PPP2R2A: variants seen among roughly 807,000 people sequenced by gnomAD.
PPP2R2A encodes the protein protein phosphatase 2 regulatory subunit Balpha.
In PPP2R2A, 9 loss-of-function variants were observed where a neutral mutation model predicts 53.2. That is an observed-to-expected ratio of 0.17 (90% CI 0.10 to 0.30). The LOEUF is 0.30. Among genes scored for constraint, PPP2R2A ranks in the 10% least tolerant of loss-of-function variants. PPP2R2A has a pLI of 1.00. For synonymous variants in PPP2R2A, 169 were observed against 174.2 expected (o/e 0.97, Z 0.23); for missense variants, 235 against 534.6 (o/e 0.44, Z 5.53).
rs947304727 is a variant in PPP2R2A at position 26,362,079 on chromosome 8, GATT to G, written c.638-603_638-601del. On this transcript the variant is annotated intron_variant, in intron 6 of 9. Coordinates refer to ENST00000380737, the MANE Select transcript of PPP2R2A (RefSeq NM_002717.4). This position sits in a 1 kb window ranked among gnomAD's most constrained non-coding sequence, Gnocchi z 4.4. Reference sequence around the variant, plus strand: ...AAGATTAATTTTAAGATTAGAAAAAGATTAATAATTAGATTAGATTAGAAAAAG... The same window carrying G: ...AAGATTAATTTTAAGATTAGAAAAAGAATAATTAGATTAGATTAGAAAAAG... Among the ~76,000 whole-genome samples the G allele has an allele frequency of 1.5e-4, 22 of 150,394 alleles. No individual in the cohort carries two copies. The highest frequency in any genetic ancestry group is 3.9e-4 in the African/African-American group (16 of 41,170).
rs1007006769 is a variant in PPP2R2A at position 26,354,420 on chromosome 8, T to C, written c.181-48T>C. ...GGAATTGATTACATATTTGATTATT[T>C]TGAAATATTTTTCAACAATGGTCCA... On this transcript the variant is annotated intron_variant, in intron 3 of 9. Transcript: ENST00000380737. This position sits in a 1 kb window ranked among gnomAD's most constrained non-coding sequence, Gnocchi z 4.6. The C allele has an allele frequency of 7.2e-7, 1 of 1,395,650 alleles. No homozygotes were observed. Among genetic ancestry groups the C allele is most frequent in the African/African-American group, 1.5e-5 (1 of 68,954 alleles). 86.5% of individuals were successfully genotyped at this position (1,395,650 alleles called of 1,614,324 possible).
Position 26,305,630 on chromosome 8 carries a change from C to A in PPP2R2A, c.82+11890C>A, listed in dbSNP as rs183693972. 4.6e-5 allele frequency among the ~76,000 whole-genome samples: 7 copies of A among 152,232 alleles called. No homozygotes were observed. The East Asian group carries it at 1.3e-3, about 29-fold the overall frequency. On this transcript the variant is annotated intron_variant, in intron 2 of 9. Coordinates refer to ENST00000380737, the MANE Select transcript of PPP2R2A (RefSeq NM_002717.4). ...AAGGAGATAGAAGACATTATTCCTT[C>A]ATTTTAGGTACATGGAGGTCCATTT...
intron 2 of PPP2R2A, among the ~76,000 whole-genome samples, chr8:26,320,102 T>C (rs1802762662): frequency 6.6e-6 from 1 of 152,208 alleles, no homozygotes; most frequent in South Asian, 2.1e-4. Flanking sequence ...CCTGGAAATC[T>C]GGTGAGATCA....
chr8:26,346,546 A>G (rs1422253005), intron 3 of PPP2R2A, among the ~76,000 whole-genome samples: 2 of 152,168 alleles, frequency 1.3e-5, no homozygotes, highest in Non-Finnish European at 2.9e-5. Flanking sequence ...TAGCTTTTCA[A>G]AGTCTTATTC....
chr8:26,352,015 A>G (rs965170630), intron 3 of PPP2R2A, among the ~76,000 whole-genome samples: 2 of 152,216 alleles, frequency 1.3e-5, no homozygotes, highest in Admixed American at 6.5e-5. Context: ...AATAAAGCAC[A>G]TCTAAACTTA....
At chr8:26,317,750 G>A (rs555482878) in intron 2 of PPP2R2A, among the ~76,000 whole-genome samples, 1 of 152,164 alleles carries the variant, frequency 6.6e-6, no homozygotes, top group Non-Finnish European at 1.5e-5. Flanking sequence ...ATACACAGTG[G>A]TTCAAAAAAT....
At chr8:26,368,141 T>A (rs1452558578) in intron 9 of PPP2R2A, among the ~76,000 whole-genome samples, 1 of 152,228 alleles carries the variant, frequency 6.6e-6, no homozygotes, top group East Asian at 1.9e-4. Context: ...GATATGGGGA[T>A]GTCAATCTAA....
In PPP2R2A at chr8:26,362,554, A is replaced by G; in HGVS notation, c.638-130A>G. The G allele has an allele frequency of 1.2e-6, 1 of 837,832 alleles. No individual in the cohort carries two copies. The allele number at this position is 837,832 out of a possible 1,614,324, so 51.9% of individuals were successfully genotyped here. On this transcript the variant is annotated intron_variant, in intron 6 of 9. Transcript: ENST00000380737. The surrounding 1 kb of genome is among the most constrained non-coding windows in gnomAD (Gnocchi z 4.4). Reference sequence around the variant, plus strand: ...TAATCCCTTTGGAATTTATACTCATAAAAACAGTGGAGTGCAATTCAGAAT... The same window carrying G: ...TAATCCCTTTGGAATTTATACTCATGAAAACAGTGGAGTGCAATTCAGAAT...
At chr8:26,363,600 T>C (rs1259140977) in intron 7 of PPP2R2A, 121 bp from the exon 8 acceptor site, 6 of 855,258 alleles carry the variant, frequency 7.0e-6, no homozygotes, top group African/African-American at 6.8e-5. Flanking sequence ...TTCAGTTCTT[T>C]ATTAGCCTGG....
intron 2 of PPP2R2A, among the ~76,000 whole-genome samples, chr8:26,305,226 A>G (rs777235632): frequency 5.3e-5 from 8 of 152,152 alleles, no homozygotes; most frequent in Non-Finnish European, 1.2e-4. Context: ...CTGTTGTAGT[A>G]TGTGACAGGA....
In PPP2R2A at chr8:26,371,522, CT is replaced by C. The variant is rs1369374043; in HGVS notation, c.*1111del. On this transcript the variant is annotated 3_prime_UTR_variant, in exon 10 of 10. Coordinates refer to ENST00000380737, the MANE Select transcript of PPP2R2A (RefSeq NM_002717.4). ...TTTTGCCTTACTAAATAGTCAAAGA[CT>C]TATAAAACATTTTTAACAAGTTAGA... The C allele has an allele frequency of 6.6e-6, 1 of 151,996 alleles. No homozygotes were observed. Among genetic ancestry groups the C allele is most frequent in the Non-Finnish European group, 1.5e-5 (1 of 67,980 alleles). 9.4% of individuals were successfully genotyped at this position (151,996 alleles called of 1,614,324 possible).
chr8:26,355,841 G>A (rs1301682986), intron 4 of PPP2R2A, among the ~76,000 whole-genome samples: 1 of 147,898 alleles, frequency 6.8e-6, no homozygotes, highest in African/African-American at 2.5e-5. Context: ...TTGCACTCCA[G>A]CCTGGGCAAC....
intron 2 of PPP2R2A, among the ~76,000 whole-genome samples, chr8:26,301,382 G>A (rs1801778050): frequency 6.7e-6 from 1 of 149,420 alleles, no homozygotes; most frequent in Non-Finnish European, 1.5e-5. Context: ...ATCCTGGCTG[G>A]AGTGCAATGG....
intron 3 of PPP2R2A, among the ~76,000 whole-genome samples, chr8:26,343,881 A>G (rs1804075882): frequency 6.6e-6 from 1 of 152,174 alleles, no homozygotes; most frequent in Non-Finnish European, 1.5e-5. Context: ...GAAATGCTGA[A>G]ATTTAGCTGG....
intron 6 of PPP2R2A, among the ~76,000 whole-genome samples, 181 bp downstream of exon 6, chr8:26,361,332 A>G (rs956129704): frequency 2.0e-5 from 3 of 152,242 alleles, no homozygotes; most frequent in African/African-American, 7.2e-5. Flanking sequence ...TTTGCTAAAC[A>G]TAAAGGGCAT....
chr8:26,294,088 G>T (rs2046224), intron 2 of PPP2R2A, among the ~76,000 whole-genome samples: 89,340 of 151,988 alleles, frequency 0.59, 26,523 homozygotes, highest in South Asian at 0.63. Flanking sequence ...TTGTACATTG[G>T]TTTTAGATAA....
At chr8:26,326,369 T>C (rs186685649) in intron 2 of PPP2R2A, among the ~76,000 whole-genome samples, 20 of 152,344 alleles carry the variant, frequency 1.3e-4, no homozygotes, top group Non-Finnish European at 2.5e-4. Context: ...TGGACTTCTT[T>C]TTGTCATTGG....
rs1003245254 is a variant in PPP2R2A, at chr8:26,338,015, C to T, written c.83-875C>T. ...TTCTTAACAGTGAGCTTCTGTAGACCAGAGGATGTCTGTTCTTTTATAAAG... is the reference window on the plus strand; with the variant it reads ...TTCTTAACAGTGAGCTTCTGTAGACTAGAGGATGTCTGTTCTTTTATAAAG... On this transcript the variant is annotated intron_variant, in intron 2 of 9. Coordinates refer to ENST00000380737, the MANE Select transcript of PPP2R2A (RefSeq NM_002717.4). The surrounding 1 kb of genome is among the most constrained non-coding windows in gnomAD (Gnocchi z 4.5). Among the ~76,000 whole-genome samples, 6 of 152,020 alleles carry T rather than the reference C, an allele frequency of 3.9e-5. No homozygotes were observed. The highest frequency in any genetic ancestry group is 5.9e-5 in the Non-Finnish European group (4 of 68,000).
chr8:26,366,292 G>A (rs758804547), intron 8 of PPP2R2A, 23 bp from the exon 9 acceptor site: 2 of 1,562,892 alleles, frequency 1.3e-6, no homozygotes, highest in South Asian at 2.3e-5. Flanking sequence ...TTTCAGTGCA[G>A]TATATTTGTA....
Sources: gnomAD v4.1 joint callset for allele counts (sites outside exome capture counted in the v4.1 genomes callset) on GRCh38, gnomAD v4.1.1 for gene constraint, Gnocchi (gnomAD v3.1) non-coding constraint, MANE v1.5 for transcripts, NCBI Gene and HGNC (gene_info 2026-07-23, HGNC 2026-07-21) for gene names.